The following STT3B variants were observed in gnomAD, a reference collection of about 807,000 sequenced individuals.
STT3B encodes dolichyl-diphosphooligosaccharide--protein glycosyltransferase subunit STT3B.
Under a neutral mutation model 96.8 loss-of-function variants are expected in STT3B, and 29 were observed. That is an observed-to-expected ratio of 0.30 (90% CI 0.22 to 0.41). The LOEUF is 0.41. Among genes scored for constraint, STT3B ranks in the 10% least tolerant of loss-of-function variants. The pLI, the probability that STT3B is intolerant of heterozygous loss-of-function variation, is 1.00. For synonymous variants in STT3B, 367 were observed against 360.0 expected (o/e 1.02, Z -0.22); for missense variants, 640 against 1,022.3 (o/e 0.63, Z 5.10).
intron 1 of STT3B, among the ~76,000 whole-genome samples, chr3:31,564,600 AT>A (rs1697956764): frequency 6.6e-6 from 1 of 152,194 alleles, no homozygotes; most frequent in South Asian, 2.1e-4. Context: ...TTAACAATTT[AT>A]TGATTTTGTT....
rs1238056449 is a variant in STT3B at position 31,636,325 on chromosome 3, A to G, written c.*261A>G. 1.4e-5 allele frequency: 4 copies of G among 282,384 alleles called. No homozygotes were observed. The highest frequency in any genetic ancestry group is 8.7e-5 in the African/African-American group (4 of 45,896). The allele number at this position is 282,384 out of a possible 1,614,324, so 17.5% of individuals were successfully genotyped here. On this transcript the variant is annotated 3_prime_UTR_variant, in exon 16 of 16. Coordinates refer to ENST00000295770, the MANE Select transcript of STT3B (RefSeq NM_178862.3). ...GATTTTTTTTTTATTGGTACATATT[A>G]TCCTTCAAATCTGAGAATTTGGACT...
chr3:31,572,070 A>AT (rs1230123294), intron 1 of STT3B, among the ~76,000 whole-genome samples: 3 of 103,996 alleles, frequency 2.9e-5, no homozygotes, highest in African/African-American at 7.6e-5. Flanking sequence ...TAATATATTA[A>AT]ATATATTAAT....
At chr3:31,589,198 AC>A in intron 3 of STT3B, among the ~76,000 whole-genome samples, 1 of 152,156 alleles carries the variant, frequency 6.6e-6, no homozygotes, top group African/African-American at 2.4e-5. Flanking sequence ...GTGTGCTAAT[AC>A]GTACTGGGTG....
At chr3:31,609,278 T>A (rs1373294524) in intron 5 of STT3B, among the ~76,000 whole-genome samples, 2 of 152,210 alleles carry the variant, frequency 1.3e-5, no homozygotes, top group Non-Finnish European at 2.9e-5. Flanking sequence ...GGTATTTGTC[T>A]TTTACTACTT....
At chr3:31,559,960 G>GT (rs923662698) in intron 1 of STT3B, among the ~76,000 whole-genome samples, 17 of 152,016 alleles carry the variant, frequency 1.1e-4, no homozygotes, top group Non-Finnish European at 2.1e-4. Context: ...TCTTTTTACT[G>GT]TTTTTTGACT....
intron 3 of STT3B, among the ~76,000 whole-genome samples, chr3:31,588,872 C>T (rs1698604976): frequency 6.6e-6 from 1 of 151,934 alleles, no homozygotes; most frequent in African/African-American, 2.4e-5. Context: ...GTTCTTTTCC[C>T]ACACTGTCTT....
At chr3:31,568,956 A>G (rs1397050586) in intron 1 of STT3B, among the ~76,000 whole-genome samples, 1 of 152,164 alleles carries the variant, frequency 6.6e-6, no homozygotes, top group Non-Finnish European at 1.5e-5. Context: ...GGATACACCT[A>G]CCAGCTCATA....
At chr3:31,544,490 G>C (rs1439854242) in intron 1 of STT3B, among the ~76,000 whole-genome samples, 1 of 152,126 alleles carries the variant, frequency 6.6e-6, no homozygotes, top group East Asian at 1.9e-4. Context: ...TTTAGTTATA[G>C]AATCATTCCA....
intron 1 of STT3B, among the ~76,000 whole-genome samples, chr3:31,546,998 A>C (rs185358751): frequency 7.9e-5 from 12 of 152,194 alleles, no homozygotes; most frequent in African/African-American, 2.9e-4. Context: ...GCTTTGCTCA[A>C]CCTACCTGTT....
intron 1 of STT3B, among the ~76,000 whole-genome samples, chr3:31,547,982 C>T (rs1490475039): frequency 2.0e-5 from 3 of 152,092 alleles, no homozygotes; most frequent in Non-Finnish European, 4.4e-5. Flanking sequence ...AATAATAATA[C>T]TTAGTGGAAG....
At chr3:31,591,605 T>A (rs1222328574) in intron 3 of STT3B, among the ~76,000 whole-genome samples, 1 of 152,122 alleles carries the variant, frequency 6.6e-6, no homozygotes, top group African/African-American at 2.4e-5. Context: ...CTTAACATAA[T>A]TCTGGTAAAA....
At chr3:31,633,496 A>T (rs1170891231) in intron 15 of STT3B, among the ~76,000 whole-genome samples, 2 of 152,162 alleles carry the variant, frequency 1.3e-5, no homozygotes, top group Non-Finnish European at 2.9e-5. Context: ...GCAAATTTAT[A>T]TTGCATCTTC....
chr3:31,627,671 A>C (rs1699565418), intron 13 of STT3B, among the ~76,000 whole-genome samples: 2 of 152,214 alleles, frequency 1.3e-5, no homozygotes, highest in African/African-American at 4.8e-5. Context: ...TCAATGCTGT[A>C]ATGTTTCCCT....
rs553220301 is a variant in STT3B, at chr3:31,625,894, T to C, written c.1900-60T>C. 12 of 1,434,728 alleles carry C rather than the reference T, an allele frequency of 8.4e-6. No homozygotes were observed. The East Asian group carries it at 2.6e-4, about 31-fold the overall frequency. The allele number at this position is 1,434,728 out of a possible 1,614,324, so 88.9% of individuals were successfully genotyped here. On this transcript the variant is annotated intron_variant, in intron 12 of 15. Transcript: ENST00000295770. ...TCCATGTTGTAGTAAAAAATATACA[T>C]TGATTTTTATGAATGTGGGAATAAT...
At position 31,611,745 on chromosome 3, in the gene STT3B, C is replaced by T. The variant is rs146681747; in HGVS notation, c.878-3360C>T. On this transcript the variant is annotated intron_variant, in intron 5 of 15. Transcript: ENST00000295770. The stretch of plus-strand genomic sequence containing the variant: ...TTCCCAACCTCAAGTGATGCATCCG[C>T]CTCAGCCTCCTAAAGTGCTAGGATT... 3.4e-4 allele frequency among the ~76,000 whole-genome samples: 52 copies of T among 152,240 alleles called. No individual in the cohort carries two copies. The East Asian group carries it at 9.7e-3, about 28-fold the overall frequency.
rs188106814 is a variant in STT3B, at chr3:31,548,730, A to C, written c.314+15418A>C. 7.0e-4 allele frequency among the ~76,000 whole-genome samples: 106 copies of C among 152,208 alleles called. 1 individual carries two copies. In the East Asian group the frequency reaches 0.019, roughly 28 times the overall value. ...TTTCTGTTCGGAAAGGGGGTGAAGA[A>C]CCTTCCCCCCTTTGAGGGAGATAAG... On this transcript the variant is annotated intron_variant, in intron 1 of 15. Coordinates refer to ENST00000295770, the MANE Select transcript of STT3B (RefSeq NM_178862.3).
intron 1 of STT3B, chr3:31,533,752 A>G (rs1371441601): frequency 1.3e-5 from 2 of 153,252 alleles, no homozygotes; most frequent in Non-Finnish European, 2.9e-5. Flanking sequence ...GCGTTCTTTC[A>G]TATTTGCGGG....
At chr3:31,623,094 G>A (rs564193169) in intron 10 of STT3B, among the ~76,000 whole-genome samples, 2 of 152,112 alleles carry the variant, frequency 1.3e-5, no homozygotes, top group Admixed American at 6.5e-5. Context: ...GTTGCTTTGT[G>A]GTTTCTTAAC....
intron 1 of STT3B, among the ~76,000 whole-genome samples, chr3:31,542,856 C>T (rs904265734): frequency 3.3e-5 from 5 of 151,998 alleles, no homozygotes; most frequent in Admixed American, 2.6e-4. Flanking sequence ...ATCATGAGGT[C>T]AGGAGTTCAA....
Sources: gnomAD v4.1 joint callset for allele counts (sites outside exome capture counted in the v4.1 genomes callset) on GRCh38, gnomAD v4.1.1 for gene constraint, MANE v1.5 for transcripts, NCBI Gene and HGNC (gene_info 2026-07-23, HGNC 2026-07-21) for gene names.